PEMT: variants seen among roughly 807,000 people sequenced by gnomAD.
PEMT encodes phospholipid methyltransferase.
In PEMT, 23 loss-of-function variants were observed where a neutral mutation model predicts 27.4. The ratio of observed to expected loss-of-function variants is 0.84; its 90% confidence interval spans 0.60 to 1.19. PEMT has a LOEUF of 1.19. Among genes scored for constraint, PEMT ranks in the 50% most tolerant of loss-of-function variants. PEMT has a pLI of 0.00. For synonymous variants in PEMT, 137 were observed against 139.1 expected (o/e 0.98, Z 0.11); for missense variants, 307 against 310.1 (o/e 0.99, Z 0.07).
intron 2 of PEMT, among the ~76,000 whole-genome samples, chr17:17,555,188 C>T (rs1291897838): frequency 6.6e-6 from 1 of 152,064 alleles, no homozygotes; most frequent in African/African-American, 2.4e-5. Flanking sequence ...GTCCATGTCA[C>T]CCAGCTGGGA....
intron 2 of PEMT, among the ~76,000 whole-genome samples, chr17:17,543,170 G>A (rs58080446): frequency 0.021 from 3,162 of 152,296 alleles, 116 homozygotes; most frequent in African/African-American, 0.073. Flanking sequence ...AAGCCACGTC[G>A]TGTCCTACAG....
In PEMT at chr17:17,582,237, G is replaced by A; in HGVS notation, c.97-5210C>T. 1.0e-6 allele frequency: 1 copy of A among 984,744 alleles called. No homozygotes were observed. The highest frequency in any genetic ancestry group is 1.2e-6 in the Non-Finnish European group (1 of 829,314). 61.0% of individuals were successfully genotyped at this position (984,744 alleles called of 1,614,324 possible). On this transcript the variant is annotated intron_variant, in intron 1 of 6. Coordinates refer to ENST00000255389, the MANE Select transcript of PEMT (RefSeq NM_148172.3). The surrounding 1 kb of genome is among the most constrained non-coding windows in gnomAD (Gnocchi z 4.9). ...AAGGCTCCAGGTTGCAGAGGCCTCG[G>A]AATCTGACTAAAGGAAAGGAGCTAC...
chr17:17,591,800 C>G, upstream of PEMT: 1 of 1,423,026 alleles, frequency 7.0e-7, no homozygotes, highest in African/African-American at 1.4e-5. Flanking sequence ...GCCTCTTTAT[C>G]TGGGGGCTCG....
At chr17:17,577,756 G>A (rs530327400) in intron 1 of PEMT, among the ~76,000 whole-genome samples, 2 of 152,152 alleles carry the variant, frequency 1.3e-5, no homozygotes, top group South Asian at 2.1e-4. Context: ...GGTGGCTCAT[G>A]CCTGTAATCC....
Position 17,582,797 on chromosome 17 carries a change from C to A in PEMT, c.97-5770G>T, listed in dbSNP as rs565439683. ...TTATTCTCTGGGCCGGGCGCGATGG[C>A]TCACCCCCGTAATCCCAGCACTTTG... On this transcript the variant is annotated intron_variant, in intron 1 of 6. Coordinates refer to ENST00000255389, the MANE Select transcript of PEMT (RefSeq NM_148172.3). This position sits in a 1 kb window ranked among gnomAD's most constrained non-coding sequence, Gnocchi z 4.9. 4.6e-5 allele frequency among the ~76,000 whole-genome samples: 7 copies of A among 152,324 alleles called. No individual in the cohort carries two copies. The East Asian group carries it at 1.2e-3, about 25-fold the overall frequency.
intron 2 of PEMT, chr17:17,565,367 T>C: frequency 6.6e-6 from 1 of 152,400 alleles, no homozygotes; most frequent in Non-Finnish European, 1.5e-5. Flanking sequence ...AATAAAATAA[T>C]GGAATCATCT....
intron 2 of PEMT, among the ~76,000 whole-genome samples, chr17:17,539,831 G>A (rs923695792): frequency 1.3e-5 from 2 of 152,150 alleles, no homozygotes; most frequent in African/African-American, 2.4e-5. Context: ...TCTGTCTGCC[G>A]CAGCCCCTGT....
At chr17:17,535,737 A>G (rs1224830902) in intron 2 of PEMT, among the ~76,000 whole-genome samples, 1 of 152,188 alleles carries the variant, frequency 6.6e-6, no homozygotes, top group Non-Finnish European at 1.5e-5. Context: ...AGACAGATGA[A>G]ACAAGAATGA....
chr17:17,565,019 G>A (rs909465188), intron 2 of PEMT, among the ~76,000 whole-genome samples: 5 of 152,186 alleles, frequency 3.3e-5, no homozygotes, highest in Non-Finnish European at 5.9e-5. Flanking sequence ...AGAGCCCTGC[G>A]CCTGCCTGCC....
intron 2 of PEMT, among the ~76,000 whole-genome samples, chr17:17,562,928 C>T (rs1413634384): frequency 2.0e-5 from 3 of 151,914 alleles, no homozygotes. Flanking sequence ...CCCACGTCCC[C>T]ACCCACCTGA....
chr17:17,589,356 G>T (rs1032667179), intron 1 of PEMT, among the ~76,000 whole-genome samples: 1 of 151,776 alleles, frequency 6.6e-6, no homozygotes, highest in Non-Finnish European at 1.5e-5. Context: ...GGAGGGCATG[G>T]TACCCAGAGC....
chr17:17,577,592 G>A (rs1326589372), intron 1 of PEMT: 8 of 806,214 alleles, frequency 9.9e-6, no homozygotes, highest in South Asian at 5.6e-5. Flanking sequence ...CACTGCCCCC[G>A]CCCCGCCATC....
Position 17,505,802 on chromosome 17 carries a change from T to C in PEMT, c.700A>G (p.Lys234Glu), listed in dbSNP as rs749935587. Residue 234 changes from lysine to glutamate, a missense_variant, in exon 7 of 7, where the codon AAG becomes GAG. By Grantham distance (56) the Lys-to-Glu change is moderately conservative. Transcript: ENST00000255389. Reference protein sequence around the residue: ...IYRQKASGSHKRS With the variant: ...IYRQKASGSHERS ...CTGTTGCAGCTCAATCAGCTCCTCTTGTGGGACCCGGAGGCTTTCTGCCGG... is the reference window on the plus strand; with the variant it reads ...CTGTTGCAGCTCAATCAGCTCCTCTCGTGGGACCCGGAGGCTTTCTGCCGG... 2 of 1,611,312 alleles carry C rather than the reference T, an allele frequency of 1.2e-6. No individual in the cohort carries two copies. Among genetic ancestry groups the C allele is most frequent in the Non-Finnish European group, 1.7e-6 (2 of 1,178,582 alleles).
intron 1 of PEMT, among the ~76,000 whole-genome samples, chr17:17,590,358 T>C (rs1912529162): frequency 1.3e-5 from 2 of 152,210 alleles, no homozygotes; most frequent in African/African-American, 4.8e-5. Flanking sequence ...ACTGCCTCCC[T>C]CCTCTGGGGA....
intron 1 of PEMT, among the ~76,000 whole-genome samples, chr17:17,579,168 TCCCCAAA>T (rs1366771476): frequency 6.6e-6 from 1 of 152,130 alleles, no homozygotes; most frequent in African/African-American, 2.4e-5. Context: ...AATCCTTGCT[TCCCCAAA>T]CGACAGTCTC....
chr17:17,591,960 A>G (rs967817729), upstream of PEMT: 1 of 985,116 alleles, frequency 1.0e-6, no homozygotes, highest in Non-Finnish European at 1.2e-6. Flanking sequence ...CCGAGCCTGT[A>G]ACTGACCTGG....
chr17:17,515,051 C>A (rs1437350122), intron 3 of PEMT, among the ~76,000 whole-genome samples: 1 of 152,196 alleles, frequency 6.6e-6, no homozygotes, highest in Non-Finnish European at 1.5e-5. Flanking sequence ...CAGGGAGACC[C>A]ATCCAGGTGC....
chr17:17,525,062 G>A (rs774217456), intron 2 of PEMT, among the ~76,000 whole-genome samples: 8 of 152,072 alleles, frequency 5.3e-5, no homozygotes, highest in Admixed American at 2.6e-4. Flanking sequence ...AGCCGAGATC[G>A]CGCCACTGCA....
Position 17,585,501 on chromosome 17 carries a change from G to A in PEMT, c.96+6030C>T, listed in dbSNP as rs141363199. Among the ~76,000 whole-genome samples the A allele has an allele frequency of 8.8e-3, 1,341 of 152,248 alleles. 25 individuals carry two copies. Among genetic ancestry groups the A allele is most frequent in the African/African-American group, 0.03 (1,241 of 41,554 alleles). ...AGTGGACAAGAAGGCTGCTGGAGCT[G>A]GCAAGGTCACCAAGTCTGCCCAGAA... On this transcript the variant is annotated intron_variant, in intron 1 of 6. Transcript: ENST00000255389.
Sources: allele counts gnomAD v4.1 joint callset (sites outside exome capture counted in the v4.1 genomes callset), GRCh38; gene constraint gnomAD v4.1.1; non-coding constraint Gnocchi (gnomAD v3.1); transcripts MANE v1.5; gene names NCBI Gene and HGNC (gene_info 2026-07-23, HGNC 2026-07-21).